ASZ1: variants seen among roughly 807,000 people sequenced by gnomAD.
ASZ1 encodes the protein ankyrin repeat, SAM and basic leucine zipper domain-containing protein 1.
ASZ1 carries 67 observed loss-of-function variants against 61.8 expected under a neutral mutation model. The observed-to-expected ratio is 1.08, with a 90% CI of 0.89 to 1.33. The LOEUF (loss-of-function observed/expected upper bound fraction) is 1.33. Among genes scored for constraint, ASZ1 ranks in the 40% most tolerant of loss-of-function variants. The probability of loss-of-function intolerance (pLI) is 0.00; values close to 1 mark genes in which losing one functional copy is unlikely to be tolerated. For synonymous variants in ASZ1, 193 were observed against 192.7 expected, an observed-to-expected ratio of 1.00 and a Z score of -0.01; for missense variants, 577 against 554.5, an observed-to-expected ratio of 1.04 and a Z score of -0.41.
At chr7:117,390,307 C>G (rs1244713145) in intron 4 of ASZ1, among the ~76,000 whole-genome samples, 1 of 151,944 alleles carries the variant, frequency 6.6e-6, no homozygotes, top group East Asian at 1.9e-4. Flanking sequence ...GTAGCTGAGA[C>G]CACAGGCATG....
intron 10 of ASZ1, among the ~76,000 whole-genome samples, chr7:117,374,131 T>G (rs1049973247): frequency 5.9e-5 from 9 of 152,082 alleles, no homozygotes; most frequent in African/African-American, 1.9e-4. Flanking sequence ...ATGGGGAATA[T>G]TTATAATTTA....
intron 2 of ASZ1, among the ~76,000 whole-genome samples, chr7:117,422,642 C>G (rs79553684): frequency 0.021 from 3,189 of 152,102 alleles, 110 homozygotes; most frequent in African/African-American, 0.073. Context: ...TTTTTACATG[C>G]TACCTTTTTT....
At chr7:117,417,239 C>T (rs17139810) in intron 4 of ASZ1, among the ~76,000 whole-genome samples, 3,194 of 152,026 alleles carry the variant, frequency 0.021, 112 homozygotes, top group African/African-American at 0.073. Flanking sequence ...AGTACGTGAC[C>T]ATCTATCTAG....
intron 3 of ASZ1, 97 bp downstream of exon 3, chr7:117,422,140 T>C: frequency 1.5e-6 from 2 of 1,368,796 alleles, no homozygotes; most frequent in Non-Finnish European, 2.0e-6. Context: ...AAAGGTTACT[T>C]CAAATGGCTT....
chr7:117,375,867 A>C (rs1008369904), intron 10 of ASZ1, among the ~76,000 whole-genome samples: 2 of 152,128 alleles, frequency 1.3e-5, no homozygotes, highest in African/African-American at 2.4e-5. Context: ...AAATGTTTAC[A>C]TAAGAAAAAA....
intron 4 of ASZ1, among the ~76,000 whole-genome samples, chr7:117,417,505 C>T (rs952143548): frequency 9.2e-5 from 14 of 152,282 alleles, no homozygotes; most frequent in African/African-American, 3.1e-4. Context: ...TGATTTTTGT[C>T]ACTGCTAATG....
chr7:117,367,303 T>C, intron 12 of ASZ1, 49 bp downstream of exon 12: 1 of 1,327,078 alleles, frequency 7.5e-7, no homozygotes, highest in Non-Finnish European at 9.8e-7. Flanking sequence ...CCTTTTGCTG[T>C]AAATCATTTC....
At chr7:117,393,591 TA>T (rs2061787184) in intron 4 of ASZ1, among the ~76,000 whole-genome samples, 1 of 152,200 alleles carries the variant, frequency 6.6e-6, no homozygotes. Flanking sequence ...AAAATCATTT[TA>T]TTTATTTTCC....
At chr7:117,371,027 G>GTTGGCCCGGCTCGCC (rs1257104975) in intron 10 of ASZ1, among the ~76,000 whole-genome samples, 1 of 152,056 alleles carries the variant, frequency 6.6e-6, no homozygotes, top group Non-Finnish European at 1.5e-5. Flanking sequence ...GTTTCACCAT[G>GTTGGCCCGGCTCGCC]TTGGCCCGGC....
At chr7:117,414,208 G>C (rs1796946976) in intron 4 of ASZ1, among the ~76,000 whole-genome samples, 1 of 152,164 alleles carries the variant, frequency 6.6e-6, no homozygotes, top group Admixed American at 6.5e-5. Context: ...ATGGTATCAT[G>C]ATGGAGATAC....
intron 4 of ASZ1, among the ~76,000 whole-genome samples, chr7:117,402,154 C>T (rs1554363811): frequency 1.3e-5 from 2 of 152,126 alleles, no homozygotes; most frequent in Non-Finnish European, 2.9e-5. Flanking sequence ...GCTCAGTGAC[C>T]TCAATCAAAG....
At chr7:117,423,825 G>T (rs886097558) in intron 2 of ASZ1, among the ~76,000 whole-genome samples, 3 of 149,990 alleles carry the variant, frequency 2.0e-5, no homozygotes, top group African/African-American at 7.4e-5. Flanking sequence ...TCATGCCACT[G>T]CACTCCAGCC....
At chr7:117,427,253 A>T in intron 1 of ASZ1, 103 bp downstream of exon 1, 1 of 1,282,860 alleles carries the variant, frequency 7.8e-7, no homozygotes, top group Non-Finnish European at 1.1e-6. Flanking sequence ...GTAAAAGGGA[A>T]ATACACGTGA....
At chr7:117,412,289 A>C (rs1271372561) in intron 4 of ASZ1, among the ~76,000 whole-genome samples, 1 of 151,832 alleles carries the variant, frequency 6.6e-6, no homozygotes, top group Non-Finnish European at 1.5e-5. Flanking sequence ...AAAAAGGCTA[A>C]AAAGAAAAAC....
chr7:117,380,523 T>C (rs548454871), intron 9 of ASZ1, among the ~76,000 whole-genome samples: 110 of 151,934 alleles, frequency 7.2e-4, no homozygotes, highest in Non-Finnish European at 1.4e-3. Context: ...GTTTCCAATG[T>C]GGTCATGCAG....
chr7:117,420,976 T>C (rs1797089224), intron 3 of ASZ1, among the ~76,000 whole-genome samples: 1 of 152,226 alleles, frequency 6.6e-6, no homozygotes, highest in Non-Finnish European at 1.5e-5. Context: ...GATATCTTAA[T>C]AGCTCATTAG....
intron 4 of ASZ1, among the ~76,000 whole-genome samples, chr7:117,392,991 C>T (rs988562824): frequency 4.0e-5 from 6 of 151,780 alleles, no homozygotes; most frequent in Admixed American, 6.6e-5. Context: ...GAACTACAGG[C>T]GCATGCCACC....
Position 117,366,705 on chromosome 7 carries a change from C to G in ASZ1, c.1275+647G>C, listed in dbSNP as rs916267524. Among the ~76,000 whole-genome samples the G allele has an allele frequency of 1.3e-4, 19 of 151,950 alleles. No homozygotes were observed. In the East Asian group the frequency reaches 3.5e-3, roughly 28 times the overall value. On this transcript the variant is annotated intron_variant, in intron 12 of 12. Transcript: ENST00000284629. Reference sequence around the variant, plus strand: ...AACCAGAACCAAAGAAGTCCATACTCTTTAGAAAACAGTTAAATTATAAAA... The same window carrying G: ...AACCAGAACCAAAGAAGTCCATACTGTTTAGAAAACAGTTAAATTATAAAA...
At chr7:117,377,419 T>A (rs1796158013) in intron 10 of ASZ1, among the ~76,000 whole-genome samples, 1 of 152,004 alleles carries the variant, frequency 6.6e-6, no homozygotes, top group Non-Finnish European at 1.5e-5. Flanking sequence ...TCTCACCTAC[T>A]CAGGAGGCTC....
Sources: allele counts gnomAD v4.1 joint callset (sites outside exome capture counted in the v4.1 genomes callset), GRCh38; gene constraint gnomAD v4.1.1; transcripts MANE v1.5; gene names NCBI Gene and HGNC (gene_info 2026-07-23, HGNC 2026-07-21).